The following TPO variants were observed in gnomAD, a reference collection of about 807,000 sequenced individuals.
TPO encodes thyroid peroxidase.
Under a neutral mutation model 96.9 loss-of-function variants are expected in TPO, and 78 were observed. The ratio of observed to expected loss-of-function variants is 0.81; its 90% CI spans 0.67 to 0.97. The LOEUF is 0.97. Ranked by LOEUF, TPO falls within the 50% of genes least tolerant of loss-of-function variation. TPO has a pLI of 0.00. For synonymous variants in TPO, 547 were observed against 538.0 expected, an observed-to-expected ratio of 1.02 and a Z score of -0.23; for missense variants, 1,252 against 1,274.8, an observed-to-expected ratio of 0.98 and a Z score of 0.27.
At chr2:1,441,725 AGG>A (rs1162718721) in intron 5 of TPO, among the ~76,000 whole-genome samples, 2 of 152,182 alleles carry the variant, frequency 1.3e-5, no homozygotes, top group Admixed American at 1.3e-4. Flanking sequence ...CGTCACTTGC[AGG>A]TTGCCTTTGC....
intron 3 of TPO, among the ~76,000 whole-genome samples, chr2:1,432,873 A>T (rs1006099269): frequency 2.0e-5 from 3 of 151,994 alleles, no homozygotes; most frequent in African/African-American, 7.2e-5. Context: ...GAGGAGAGGC[A>T]TTCAGATGAG....
At chr2:1,499,866 C>A (rs575942664) in intron 13 of TPO, among the ~76,000 whole-genome samples, 1 of 152,170 alleles carries the variant, frequency 6.6e-6, no homozygotes, top group Admixed American at 6.5e-5. Context: ...TGTGCCTCCA[C>A]GGTTTCAAAT....
chr2:1,448,582 C>T (rs186648726), intron 5 of TPO, among the ~76,000 whole-genome samples: 5 of 152,332 alleles, frequency 3.3e-5, no homozygotes, highest in Admixed American at 3.3e-4. Context: ...ACTGTCACCT[C>T]TCAGCCACTC....
At chr2:1,494,924 G>A (rs1039564045) in intron 11 of TPO, among the ~76,000 whole-genome samples, 9 of 152,100 alleles carry the variant, frequency 5.9e-5, no homozygotes, top group East Asian at 1.9e-4. Flanking sequence ...AAAGAGCTAC[G>A]AACACCTGGG....
chr2:1,375,547 G>A (rs560725319), intron 1 of TPO, among the ~76,000 whole-genome samples: 10 of 152,144 alleles, frequency 6.6e-5, no homozygotes, highest in African/African-American at 1.4e-4. Flanking sequence ...CCGCAATCTC[G>A]TGGGCCTCTG....
At position 1,507,259 on chromosome 2, in the gene TPO, C is replaced by A. The variant is rs1218413932; in HGVS notation, c.2518+3180C>A. On this transcript the variant is annotated intron_variant, in intron 14 of 16. Coordinates refer to ENST00000329066, the MANE Select transcript of TPO (RefSeq NM_001206744.2). Reference sequence around the variant, plus strand: ...TTGGTCTATATCTCTGTTTTGGTACCAGTACCATGCTGTTTTGGTTACTGT... The same window carrying A: ...TTGGTCTATATCTCTGTTTTGGTACAAGTACCATGCTGTTTTGGTTACTGT... Among the ~76,000 whole-genome samples the A allele has an allele frequency of 5.9e-5, 9 of 152,232 alleles. No individual in the cohort carries two copies. The East Asian group carries it at 1.7e-3, about 29-fold the overall frequency.
At chr2:1,486,539 A>T (rs1671183912) in intron 9 of TPO, among the ~76,000 whole-genome samples, 1 of 152,110 alleles carries the variant, frequency 6.6e-6, no homozygotes, top group African/African-American at 2.4e-5. Flanking sequence ...TCCATTTGAA[A>T]ATAAAATAAA....
Position 1,387,433 on chromosome 2 carries a change from C to G in TPO, n.180+13031C>G, listed in dbSNP as rs533180460. Among the ~76,000 whole-genome samples the G allele has an allele frequency of 2.3e-3, 347 of 152,248 alleles. 1 individual carries two copies. The highest frequency in any genetic ancestry group is 4.1e-3 in the Non-Finnish European group (280 of 68,020). ...TTCTTTTTATTCTTTTTTCTCTAAA[C>G]TTCTCTTCTCACTTCACTTCATTCA... is the stretch of plus-strand genomic sequence containing the variant. On this transcript the variant is annotated intron_variant and non_coding_transcript_variant, in intron 1 of 5. Transcript: ENST00000497517.
At chr2:1,409,778 A>G (rs1558249894), upstream of TPO, among the ~76,000 whole-genome samples, 1 of 128,862 alleles carries the variant, frequency 7.8e-6, no homozygotes, top group African/African-American at 3.0e-5. Context: ...ATTTAAAAAT[A>G]CAAAAAACAG....
intron 2 of TPO, among the ~76,000 whole-genome samples, chr2:1,417,055 A>G (rs1027290916): frequency 5.3e-5 from 8 of 152,226 alleles, no homozygotes; most frequent in African/African-American, 1.9e-4. Context: ...CAGAAGCAGC[A>G]AGGCTGTGGC....
chr2:1,374,968 A>C (rs1661699812), intron 1 of TPO, among the ~76,000 whole-genome samples: 1 of 152,062 alleles, frequency 6.6e-6, no homozygotes, highest in African/African-American at 2.4e-5. Context: ...TGAACTCGTC[A>C]TCTACCCACC....
At chr2:1,447,955 C>T (rs1666970717) in intron 5 of TPO, among the ~76,000 whole-genome samples, 1 of 152,198 alleles carries the variant, frequency 6.6e-6, no homozygotes, top group South Asian at 2.1e-4. Flanking sequence ...GAAAAAGACA[C>T]AGGGACCCAG....
At chr2:1,523,861 C>A (rs1468314003) in intron 15 of TPO, among the ~76,000 whole-genome samples, 1 of 105,610 alleles carries the variant, frequency 9.5e-6, no homozygotes, top group Non-Finnish European at 1.8e-5. Context: ...TGTGTGAGCT[C>A]CCCAAATCCC....
At chr2:1,402,580 G>A (rs1357573538) in intron 1 of TPO, among the ~76,000 whole-genome samples, 1 of 152,160 alleles carries the variant, frequency 6.6e-6, no homozygotes, top group African/African-American at 2.4e-5. Context: ...ATTTCATATG[G>A]CTGGGGAGGC....
chr2:1,456,296 A>T lies in TPO; in HGVS notation c.819+14A>T, dbSNP rs2148592398. 1 of 1,613,570 alleles carries T rather than the reference A, an allele frequency of 6.2e-7. No homozygotes were observed. The highest frequency in any genetic ancestry group is 8.5e-7 in the Non-Finnish European group (1 of 1,179,606). On this transcript the variant is annotated intron_variant, in intron 7 of 16. Coordinates refer to ENST00000329066, the MANE Select transcript of TPO (RefSeq NM_001206744.2). Reference sequence around the variant, plus strand: ...TTTCCCATACAAGTAAGTTTTAGAAAACGTTTCTATGTTTGTTATGAAACT... The same window carrying T: ...TTTCCCATACAAGTAAGTTTTAGAATACGTTTCTATGTTTGTTATGAAACT...
chr2:1,503,730 C>T (rs1673105821), intron 13 of TPO: 2 of 805,858 alleles, frequency 2.5e-6, no homozygotes, highest in Non-Finnish European at 4.2e-6. Flanking sequence ...GGACTCCCTG[C>T]AGGCTCAGAG....
At chr2:1,374,796 C>T (rs1661696692) in intron 1 of TPO, among the ~76,000 whole-genome samples, 1 of 150,488 alleles carries the variant, frequency 6.6e-6, no homozygotes, top group African/African-American at 2.4e-5. Context: ...GGCTCGATCT[C>T]GGCCCACTGT....
intron 9 of TPO, 59 bp from the exon 10 acceptor site, chr2:1,487,762 T>C (rs1671312356): frequency 1.9e-6 from 3 of 1,607,598 alleles, no homozygotes; most frequent in East Asian, 2.2e-5. Flanking sequence ...ATTGAGATAT[T>C]GTTGTTTCTC....
intron 1 of TPO, among the ~76,000 whole-genome samples, chr2:1,374,673 C>T (rs1661691115): frequency 6.6e-6 from 1 of 151,894 alleles, no homozygotes; most frequent in East Asian, 1.9e-4. Context: ...GAACATCACA[C>T]CAGAAAACAT....
Sources: allele counts gnomAD v4.1 joint callset (sites outside exome capture counted in the v4.1 genomes callset), GRCh38; gene constraint gnomAD v4.1.1; transcripts MANE v1.5; gene names NCBI Gene and HGNC (gene_info 2026-07-23, HGNC 2026-07-21).